GABRB1: variants seen among roughly 807,000 people sequenced by gnomAD.
GABRB1 encodes gamma-aminobutyric acid receptor subunit beta-1.
In GABRB1, 17 loss-of-function variants were observed where a neutral mutation model predicts 51.6. The ratio of observed to expected loss-of-function variants is 0.33; its 90% CI spans 0.23 to 0.49. The LOEUF (loss-of-function observed/expected upper bound fraction) is 0.49. GABRB1 is among the 20% of genes least tolerant of loss of function. The pLI is 0.99. For synonymous variants in GABRB1, 247 were observed against 218.9 expected, an observed-to-expected ratio of 1.13 and a Z score of -1.14; for missense variants, 410 against 600.6, an observed-to-expected ratio of 0.68 and a Z score of 3.32.
chr4:47,004,324 A>T (rs1724320747), intron 1 of GABRB1, among the ~76,000 whole-genome samples: 1 of 152,062 alleles, frequency 6.6e-6, no homozygotes, highest in Non-Finnish European at 1.5e-5. Flanking sequence ...AAGTTCTTTA[A>T]TTTTTCCCAG....
At chr4:47,373,260 T>C (rs1425038236) in intron 5 of GABRB1, among the ~76,000 whole-genome samples, 1 of 152,224 alleles carries the variant, frequency 6.6e-6, no homozygotes, top group Non-Finnish European at 1.5e-5. Context: ...TCTTTCTGCT[T>C]CTTCCATTCT....
chr4:47,130,053 C>T (rs111570462), intron 3 of GABRB1, among the ~76,000 whole-genome samples: 31 of 152,306 alleles, frequency 2.0e-4, no homozygotes, highest in African/African-American at 7.0e-4. Flanking sequence ...CACATGCCCT[C>T]TCCTCCATTG....
intron 4 of GABRB1, among the ~76,000 whole-genome samples, chr4:47,164,102 A>T (rs1183189387): frequency 6.6e-6 from 1 of 152,046 alleles, no homozygotes; most frequent in African/African-American, 2.4e-5. Flanking sequence ...ACTCACTATC[A>T]CAAGAACATC....
chr4:47,178,624 G>C (rs1373785018), intron 4 of GABRB1, among the ~76,000 whole-genome samples: 1 of 152,082 alleles, frequency 6.6e-6, no homozygotes, highest in Non-Finnish European at 1.5e-5. Context: ...AGCTGTATGT[G>C]CTGAAAATAT....
intron 3 of GABRB1, among the ~76,000 whole-genome samples, chr4:47,114,627 C>T (rs1028455547): frequency 1.3e-5 from 2 of 152,104 alleles, no homozygotes; most frequent in Non-Finnish European, 1.5e-5. Flanking sequence ...AGCATTATGA[C>T]CATTTTGGGG....
chr4:47,150,652 C>CA (rs1717403265), intron 3 of GABRB1, among the ~76,000 whole-genome samples: 1 of 151,542 alleles, frequency 6.6e-6, no homozygotes, highest in Non-Finnish European at 1.5e-5. Context: ...TATATATACA[C>CA]ACACACACAC....
At position 47,400,511 on chromosome 4, in the gene GABRB1, A is replaced by G. The variant is rs557693906; in HGVS notation, c.545-2807A>G. On this transcript the variant is annotated intron_variant, in intron 5 of 8. Coordinates refer to ENST00000295454, the MANE Select transcript of GABRB1 (RefSeq NM_000812.4). ...AAGCATAGTGAGCTCCAGCCTGTTG[A>G]TGCACCAGGAGGTAGTCTCTCTCTC... Among the ~76,000 whole-genome samples, 8 of 143,632 alleles carry G rather than the reference A, an allele frequency of 5.6e-5. No individual in the cohort carries two copies. In the South Asian group the frequency reaches 1.6e-3, roughly 28 times the overall value. 94.2% of individuals were successfully genotyped at this position (143,632 alleles called of 152,430 possible).
intron 4 of GABRB1, among the ~76,000 whole-genome samples, chr4:47,239,867 C>T (rs1176558641): frequency 6.6e-6 from 1 of 152,180 alleles, no homozygotes; most frequent in African/African-American, 2.4e-5. Context: ...ATCACCCTAT[C>T]CGGCCTTTCT....
At chr4:47,250,807 T>C (rs1481325814) in intron 4 of GABRB1, among the ~76,000 whole-genome samples, 1 of 152,204 alleles carries the variant, frequency 6.6e-6, no homozygotes, top group Non-Finnish European at 1.5e-5. Flanking sequence ...TTTTTGAATC[T>C]TTTTTAAGCT....
chr4:47,358,976 C>T (rs940044975), intron 5 of GABRB1, among the ~76,000 whole-genome samples: 2 of 152,030 alleles, frequency 1.3e-5, no homozygotes, highest in Non-Finnish European at 2.9e-5. Flanking sequence ...TCTCCTGTAT[C>T]CTGATTAAAA....
At chr4:47,076,615 G>T (rs777434994) in intron 3 of GABRB1, among the ~76,000 whole-genome samples, 2 of 151,724 alleles carry the variant, frequency 1.3e-5, no homozygotes, top group African/African-American at 2.4e-5. Context: ...GTTACCCACC[G>T]CCCCTCTGAC....
At chr4:47,040,527 C>T (rs963536604) in intron 3 of GABRB1, among the ~76,000 whole-genome samples, 1 of 152,056 alleles carries the variant, frequency 6.6e-6, no homozygotes, top group Non-Finnish European at 1.5e-5. Flanking sequence ...GCTGCATGTG[C>T]CTAGGGAGGG....
At chr4:47,115,474 T>A (rs1359884577) in intron 3 of GABRB1, among the ~76,000 whole-genome samples, 6 of 151,744 alleles carry the variant, frequency 4.0e-5, no homozygotes, top group Non-Finnish European at 1.5e-5. Context: ...GAAATGTGAA[T>A]TGGAACAATT....
intron 3 of GABRB1, among the ~76,000 whole-genome samples, chr4:47,057,703 G>GA (rs1024646191): frequency 6.6e-6 from 1 of 152,182 alleles, no homozygotes; most frequent in African/African-American, 2.4e-5. Context: ...CATCTCTTAG[G>GA]ATTAGCTGCA....
chr4:47,183,053 T>C (rs896326132), intron 4 of GABRB1, among the ~76,000 whole-genome samples: 1 of 151,856 alleles, frequency 6.6e-6, no homozygotes, highest in African/African-American at 2.4e-5. Context: ...TACTGGTAGG[T>C]ATATTAACTT....
At chr4:47,383,881 C>T (rs959913715) in intron 5 of GABRB1, among the ~76,000 whole-genome samples, 1 of 152,092 alleles carries the variant, frequency 6.6e-6, no homozygotes, top group African/African-American at 2.4e-5. Flanking sequence ...TGTCACTTAA[C>T]ATAAATGAAT....
chr4:47,057,155 G>T (rs1470365338), intron 3 of GABRB1, among the ~76,000 whole-genome samples: 2 of 152,120 alleles, frequency 1.3e-5, no homozygotes, highest in Non-Finnish European at 2.9e-5. Context: ...CTCAAATGCA[G>T]TTCTCTGGTC....
At chr4:47,425,597 G>T in intron 8 of GABRB1, 77 bp from the exon 9 acceptor site, 1 of 1,085,012 alleles carries the variant, frequency 9.2e-7, no homozygotes, top group Non-Finnish European at 1.4e-6. Flanking sequence ...GCCTTATGGG[G>T]TATCATTAGT....
chr4:47,029,595 A>T (rs1225802073), upstream of GABRB1, among the ~76,000 whole-genome samples: 1 of 152,004 alleles, frequency 6.6e-6, no homozygotes, highest in Non-Finnish European at 1.5e-5. Flanking sequence ...ATCATTTATA[A>T]CTTTGTTCAT....
Sources: allele counts gnomAD v4.1 joint callset (sites outside exome capture counted in the v4.1 genomes callset), GRCh38; gene constraint gnomAD v4.1.1; transcripts MANE v1.5; gene names NCBI Gene and HGNC (gene_info 2026-07-23, HGNC 2026-07-21).